Variants in TRPM3 observed in about 807,000 individuals in gnomAD.
The protein encoded by TRPM3 is transient receptor potential cation channel subfamily M member 3, also known as long transient receptor potential channel 3.
A neutral mutation model predicts 181.2 loss-of-function variants in TRPM3; 77 were observed. The observed-to-expected ratio is 0.42, with a 90% CI of 0.35 to 0.51. The LOEUF is 0.51. Among genes scored for constraint, TRPM3 ranks in the 20% least tolerant of loss-of-function variants. The pLI is 0.01. For synonymous variants in TRPM3, 745 were observed against 796.4 expected (o/e 0.94, Z 1.09); for missense variants, 1,759 against 2,196.7 (o/e 0.80, Z 3.98).
intron 22 of TRPM3, among the ~76,000 whole-genome samples, chr9:70,570,638 T>C (rs1443355597): frequency 6.6e-6 from 1 of 152,220 alleles, no homozygotes; most frequent in Non-Finnish European, 1.5e-5. Flanking sequence ...GTAAATCTGC[T>C]GGTGAGCAAT....
intron 1 of TRPM3, among the ~76,000 whole-genome samples, chr9:70,977,815 A>T (rs976249243): frequency 1.3e-5 from 2 of 152,246 alleles, no homozygotes; most frequent in Non-Finnish European, 2.9e-5. Context: ...GAAGTGATGT[A>T]TAGGGCAAGG....
intron 1 of TRPM3, among the ~76,000 whole-genome samples, chr9:71,073,063 T>C (rs915297871): frequency 2.0e-5 from 3 of 152,204 alleles, no homozygotes; most frequent in Admixed American, 6.5e-5. Flanking sequence ...TTCATTTCTG[T>C]GTTCATTCCC....
intron 9 of TRPM3, among the ~76,000 whole-genome samples, chr9:70,658,584 C>T (rs560118471): frequency 1.3e-5 from 2 of 152,030 alleles, no homozygotes; most frequent in African/African-American, 2.4e-5. Flanking sequence ...TAATTATAAT[C>T]GTTATGTTAA....
In TRPM3 at chr9:70,536,388, C is replaced by A. The variant is rs138910787; in HGVS notation, c.4725G>T (p.Ala1575=). The change falls in exon 26 of 26, where the codon GCG becomes GCT. Residue 1575 remains alanine, a synonymous_variant. Coordinates refer to ENST00000677713, the MANE Select transcript of TRPM3 (RefSeq NM_001366145.2). ...GACCTCCAGGGAAGGCAGCTCTGTC[C>A]GCAATTGCTTGAGGGGCATTGACAC... is the stretch of plus-strand genomic sequence containing the variant. ...TRCVNAPQAI[A]DRAAFPGGLG... 1.2e-6 allele frequency: 2 copies of A among 1,613,882 alleles called. No individual in the cohort carries two copies. Among genetic ancestry groups the A allele is most frequent in the Admixed American group, 1.7e-5 (1 of 59,974 alleles).
intron 1 of TRPM3, among the ~76,000 whole-genome samples, chr9:71,067,715 G>A (rs148716892): frequency 7.9e-5 from 12 of 152,298 alleles, no homozygotes; most frequent in African/African-American, 2.6e-4. Context: ...TTCCTAATAT[G>A]AAGATTGCAG....
chr9:70,781,918 C>T (rs1333133237), intron 7 of TRPM3, among the ~76,000 whole-genome samples: 2 of 151,842 alleles, frequency 1.3e-5, no homozygotes, highest in Non-Finnish European at 2.9e-5. Context: ...TTAGTCCTGG[C>T]TTTCATTGTG....
intron 1 of TRPM3, among the ~76,000 whole-genome samples, chr9:71,412,642 T>C (rs1565547680): frequency 6.6e-6 from 1 of 152,170 alleles, no homozygotes. Flanking sequence ...ACTTTTACAC[T>C]GTTTGTGGAG....
intron 6 of TRPM3, among the ~76,000 whole-genome samples, chr9:70,818,244 T>C (rs2092873429): frequency 6.6e-6 from 1 of 152,232 alleles, no homozygotes. Context: ...AAAAGCATGA[T>C]TCATGAATTT....
Position 71,328,195 on chromosome 9 carries a change from C to T in TRPM3, c.183+118458G>A, listed in dbSNP as rs189490004. On this transcript the variant is annotated intron_variant, in intron 1 of 24. Coordinates refer to the TRPM3 transcript ENST00000357533. ...GTTTGTTTGTTTTGAGATGGAGTCT[C>T]GCTCTGTCACCCAGGCTGGAGTGCA... Among the ~76,000 whole-genome samples the T allele has an allele frequency of 9.9e-4, 150 of 152,194 alleles. 1 individual carries two copies. The highest frequency in any genetic ancestry group is 6.2e-3 in the South Asian group (30 of 4,820).
chr9:70,624,919 A>G (rs1009653307), intron 14 of TRPM3, among the ~76,000 whole-genome samples: 2 of 152,258 alleles, frequency 1.3e-5, no homozygotes, highest in African/African-American at 4.8e-5. Flanking sequence ...ATGGTAAATA[A>G]ACACCAATAG....
chr9:70,863,803 TA>T (rs1241115359), intron 2 of TRPM3, among the ~76,000 whole-genome samples: 1 of 152,136 alleles, frequency 6.6e-6, no homozygotes, highest in African/African-American at 2.4e-5. Context: ...ATCCATTGTA[TA>T]GATGAAATAT....
chr9:71,071,496 A>G (rs1345076272), intron 1 of TRPM3, among the ~76,000 whole-genome samples: 1 of 152,198 alleles, frequency 6.6e-6, no homozygotes, highest in Non-Finnish European at 1.5e-5. Context: ...TATCTACATG[A>G]GACTACAATC....
At chr9:71,289,926 T>G (rs1024126581) in intron 1 of TRPM3, among the ~76,000 whole-genome samples, 21 of 138,058 alleles carry the variant, frequency 1.5e-4, no homozygotes, top group African/African-American at 4.7e-4. Context: ...AGATAAGAAT[T>G]GAAATATTCC....
chr9:70,925,039 G>T (rs1406732466), intron 1 of TRPM3, among the ~76,000 whole-genome samples: 1 of 152,122 alleles, frequency 6.6e-6, no homozygotes, highest in Non-Finnish European at 1.5e-5. Context: ...GCATGAACAT[G>T]GATATGCACG....
chr9:71,010,233 G>T (rs765460282), intron 1 of TRPM3, among the ~76,000 whole-genome samples: 1 of 152,032 alleles, frequency 6.6e-6, no homozygotes, highest in African/African-American at 2.4e-5. Flanking sequence ...GACAAATGCG[G>T]TTACATGAAA....
At chr9:70,989,634 A>G (rs2097457356) in intron 1 of TRPM3, among the ~76,000 whole-genome samples, 1 of 152,154 alleles carries the variant, frequency 6.6e-6, no homozygotes, top group South Asian at 2.1e-4. Flanking sequence ...CTGGACCAAG[A>G]TCAAAATTTT....
intron 1 of TRPM3, 25 bp from the exon 2 acceptor site, chr9:70,864,536 A>AAAAAG (rs1554753064): frequency 4.0e-5 from 58 of 1,455,842 alleles, no homozygotes; most frequent in South Asian, 7.5e-5. Context: ...AAAAAAAAAA[A>AAAAAG]AAAAAGAAAA....
intron 7 of TRPM3, among the ~76,000 whole-genome samples, chr9:70,773,127 T>C (rs2080664738): frequency 6.6e-6 from 1 of 152,070 alleles, no homozygotes; most frequent in South Asian, 2.1e-4. Context: ...GGAGAGAAGA[T>C]GGAATCTGGG....
At chr9:71,176,035 A>T (rs1217575449) in intron 1 of TRPM3, among the ~76,000 whole-genome samples, 1 of 152,170 alleles carries the variant, frequency 6.6e-6, no homozygotes, top group African/African-American at 2.4e-5. Flanking sequence ...CCAGCTGTAT[A>T]AAAGGATAGA....
Sources: gnomAD v4.1 joint callset for allele counts (sites outside exome capture counted in the v4.1 genomes callset) on GRCh38, gnomAD v4.1.1 for gene constraint, MANE v1.5 for transcripts, NCBI Gene and HGNC (gene_info 2026-07-23, HGNC 2026-07-21) for gene names.